HS3ST4: variants seen among roughly 807,000 people sequenced by gnomAD.
HS3ST4 encodes the protein heparan sulfate-glucosamine 3-sulfotransferase 4.
HS3ST4 carries 17 observed loss-of-function variants against 29.2 expected under a neutral mutation model. The ratio of observed to expected loss-of-function variants is 0.58; its 90% CI spans 0.40 to 0.87. The LOEUF is 0.87. Among genes scored for constraint, HS3ST4 ranks in the 40% least tolerant of loss-of-function variants. The probability of loss-of-function intolerance (pLI) is 0.00; values close to 1 mark genes in which losing one functional copy is unlikely to be tolerated. For synonymous variants in HS3ST4, 314 were observed against 285.7 expected (o/e 1.10, Z -1.00); for missense variants, 627 against 634.5 (o/e 0.99, Z 0.13).
chr16:26,032,536 A>C (rs1044073533), intron 1 of HS3ST4: 1 of 1,430,682 alleles, frequency 7.0e-7, no homozygotes, highest in African/African-American at 1.4e-5. Context: ...AAATGCACAC[A>C]CTTCACTTGG....
intron 1 of HS3ST4, among the ~76,000 whole-genome samples, chr16:26,030,907 A>G (rs1482311017): frequency 2.0e-5 from 3 of 152,246 alleles, no homozygotes; most frequent in Non-Finnish European, 4.4e-5. Flanking sequence ...CCACCAAAGA[A>G]CATGAACTCC....
intron 1 of HS3ST4, among the ~76,000 whole-genome samples, chr16:25,893,854 C>T (rs796903484): frequency 8.5e-5 from 13 of 152,212 alleles, no homozygotes; most frequent in Non-Finnish European, 1.6e-4. Flanking sequence ...ATCCCATCCC[C>T]GTTTAGGATA....
chr16:25,952,428 T>C (rs1968691307), intron 1 of HS3ST4, among the ~76,000 whole-genome samples: 1 of 152,200 alleles, frequency 6.6e-6, no homozygotes, highest in Non-Finnish European at 1.5e-5. Flanking sequence ...GGTAGGCAAC[T>C]CCATCAGGGG....
intron 1 of HS3ST4, among the ~76,000 whole-genome samples, chr16:26,119,178 G>A (rs150313273): frequency 7.3e-4 from 111 of 152,292 alleles, no homozygotes; most frequent in African/African-American, 2.5e-3. Flanking sequence ...AAACATCCAG[G>A]CTCTTAGCCA....
chr16:25,922,807 G>C (rs1968366629), intron 1 of HS3ST4, among the ~76,000 whole-genome samples: 1 of 152,206 alleles, frequency 6.6e-6, no homozygotes, highest in African/African-American at 2.4e-5. Flanking sequence ...ATGTGTCCTA[G>C]AAAGCTGTGC....
At position 25,846,548 on chromosome 16, in the gene HS3ST4, AGT is replaced by A. The variant is rs1967468107; in HGVS notation, c.734+153398_734+153399del. 2.0e-5 allele frequency among the ~76,000 whole-genome samples: 3 copies of A among 149,598 alleles called. No individual in the cohort carries two copies. The Admixed American group carries it at 2.0e-4, about 10-fold the overall frequency. On this transcript the variant is annotated intron_variant, in intron 1 of 1. Transcript: ENST00000331351. ...GACCCCATCTCTTAAAAAAAAAAAA[AGT>A]TGTATTTTTTTTTCCCCAGTTTGCC...
chr16:25,787,888 A>AG (rs1454107675), intron 1 of HS3ST4, among the ~76,000 whole-genome samples: 4 of 152,156 alleles, frequency 2.6e-5, no homozygotes, highest in Non-Finnish European at 5.9e-5. Context: ...GTAACCCCTG[A>AG]GTGTGTTGCT....
intron 1 of HS3ST4, among the ~76,000 whole-genome samples, chr16:25,943,627 G>A (rs1444963814): frequency 2.0e-5 from 3 of 152,076 alleles, no homozygotes; most frequent in South Asian, 2.1e-4. Context: ...TCACAGTCAG[G>A]GTGGATGGCT....
intron 1 of HS3ST4, among the ~76,000 whole-genome samples, chr16:25,707,323 C>T (rs757014898): frequency 3.3e-5 from 5 of 152,002 alleles, no homozygotes; most frequent in Non-Finnish European, 5.9e-5. Context: ...AATCACGTAA[C>T]TTTTATTATA....
chr16:25,996,791 G>T (rs1225982024), intron 1 of HS3ST4, among the ~76,000 whole-genome samples: 1 of 151,926 alleles, frequency 6.6e-6, no homozygotes. Flanking sequence ...ACAAAAATTT[G>T]GGATCCTATT....
At chr16:25,846,361 CTG>C (rs1967465834) in intron 1 of HS3ST4, among the ~76,000 whole-genome samples, 2 of 152,070 alleles carry the variant, frequency 1.3e-5, no homozygotes, top group Non-Finnish European at 2.9e-5. Context: ...CAGTAAGACC[CTG>C]TCTCTACAAA....
intron 1 of HS3ST4, among the ~76,000 whole-genome samples, chr16:25,867,520 CATCT>C (rs1274284372): frequency 1.3e-5 from 2 of 152,110 alleles, no homozygotes; most frequent in African/African-American, 4.8e-5. Flanking sequence ...CAATGCCATC[CATCT>C]GTTTTAAAGT....
At position 26,136,290 on chromosome 16, in the gene HS3ST4, G is replaced by T; in HGVS notation, c.*42G>T. The stretch of plus-strand genomic sequence containing the variant: ...GAAGGCTAGTCAATAAGCTAAGGAG[G>T]CTCCTTGCCTGAGTCCTTGAATACC... On this transcript the variant is annotated 3_prime_UTR_variant, in exon 2 of 2. Coordinates refer to ENST00000331351, the MANE Select transcript of HS3ST4 (RefSeq NM_006040.3). 7 of 1,550,216 alleles carry T rather than the reference G, an allele frequency of 4.5e-6. No individual in the cohort carries two copies. Among genetic ancestry groups the T allele is most frequent in the Non-Finnish European group, 2.6e-6 (3 of 1,151,788 alleles).
At chr16:25,968,177 C>T (rs934955916) in intron 1 of HS3ST4, among the ~76,000 whole-genome samples, 1 of 152,108 alleles carries the variant, frequency 6.6e-6, no homozygotes, top group Non-Finnish European at 1.5e-5. Flanking sequence ...GGAAGGACTG[C>T]GGGCGGAAGC....
At chr16:25,921,818 A>C (rs1048335158) in intron 1 of HS3ST4, among the ~76,000 whole-genome samples, 5 of 151,216 alleles carry the variant, frequency 3.3e-5, no homozygotes, top group African/African-American at 4.9e-5. Flanking sequence ...ACAGTGTCTC[A>C]ATCACAGCTC....
Position 26,039,274 on chromosome 16 carries a change from A to G in HS3ST4, c.735-96338A>G, listed in dbSNP as rs192984899. Reference sequence around the variant, plus strand: ...AAGATGTCTATTACACTCTAAATCTATCTTTCCTTCCCAGAAGGAATCTTG... The same window carrying G: ...AAGATGTCTATTACACTCTAAATCTGTCTTTCCTTCCCAGAAGGAATCTTG... On this transcript the variant is annotated intron_variant, in intron 1 of 1. Transcript: ENST00000331351. Among the ~76,000 whole-genome samples the G allele has an allele frequency of 1.0e-3, 159 of 152,294 alleles. 1 individual carries two copies. The highest frequency in any genetic ancestry group is 6.6e-3 in the East Asian group (34 of 5,190).
At chr16:26,008,993 G>A (rs924256236) in intron 1 of HS3ST4, among the ~76,000 whole-genome samples, 2 of 152,164 alleles carry the variant, frequency 1.3e-5, no homozygotes, top group Non-Finnish European at 2.9e-5. Flanking sequence ...AGAAACTAGG[G>A]AAGTTCCAAG....
chr16:26,097,932 C>T (rs28788038), intron 1 of HS3ST4, among the ~76,000 whole-genome samples: 5,094 of 152,242 alleles, frequency 0.033, 268 homozygotes, highest in African/African-American at 0.11. Flanking sequence ...AGGTTATGAA[C>T]AGACACTTCT....
intron 1 of HS3ST4, among the ~76,000 whole-genome samples, chr16:25,707,275 A>G (rs1224357888): frequency 2.6e-5 from 4 of 152,214 alleles, no homozygotes; most frequent in Non-Finnish European, 1.5e-5. Context: ...TAGAAAGGGT[A>G]AGAATAGTAA....
Sources: gnomAD v4.1 joint callset for allele counts (sites outside exome capture counted in the v4.1 genomes callset) on GRCh38, gnomAD v4.1.1 for gene constraint, MANE v1.5 for transcripts, NCBI Gene and HGNC (gene_info 2026-07-23, HGNC 2026-07-21) for gene names.